The following OBSL1 variants were observed in gnomAD, a reference collection of about 807,000 sequenced individuals.
OBSL1 encodes obscurin like cytoskeletal adaptor 1.
OBSL1 carries 160 observed loss-of-function variants against 172.0 expected under a neutral mutation model. The ratio of observed to expected loss-of-function variants is 0.93; its 90% CI spans 0.82 to 1.06. The LOEUF is 1.06. Among genes scored for constraint, OBSL1 ranks in the 50% least tolerant of loss-of-function variants. OBSL1 has a pLI of 0.00. For synonymous variants in OBSL1, 1,200 were observed against 1,196.3 expected (o/e 1.00, Z -0.06); for missense variants, 2,681 against 2,715.4 (o/e 0.99, Z 0.28).
chr2:219,552,036 C>T, intron 19 of OBSL1, 76 bp downstream of exon 19: 1 of 1,404,800 alleles, frequency 7.1e-7, no homozygotes, highest in Non-Finnish European at 9.9e-7. Flanking sequence ...TTCTTGGGGC[C>T]AGCCCCAAGT....
downstream of OBSL1, chr2:219,547,384 C>A (rs1695410459): frequency 3.8e-6 from 3 of 791,356 alleles, no homozygotes; most frequent in Admixed American, 8.9e-5. Flanking sequence ...ACCCTCAATT[C>A]TCTGATCTTA....
chr2:219,562,906 G>T (rs1696595123), intron 7 of OBSL1: 1 of 575,248 alleles, frequency 1.7e-6, no homozygotes. Flanking sequence ...GGGGACCACG[G>T]GGTCAGCCTC....
At position 219,567,866 on chromosome 2, in the gene OBSL1, G is replaced by C. The variant is rs535662841; in HGVS notation, c.1386C>G (p.Ser462Arg). The C allele has an allele frequency of 5.0e-6, 8 of 1,613,878 alleles. No individual in the cohort carries two copies. In the South Asian group the frequency reaches 8.8e-5, roughly 18 times the overall value. The part of the protein sequence containing the change: ...TLEAGVEGRW[S>R]RDGEELPVIC... Reference sequence around the variant, plus strand: ...TGACCGGCAGCTCCTCCCCATCACGGCTCCAGCGTCCCTCGACCCCGGCCT... The same window carrying C: ...TGACCGGCAGCTCCTCCCCATCACGCCTCCAGCGTCCCTCGACCCCGGCCT... Residue 462 changes from serine (S) to arginine (R), a missense_variant, in exon 3 of 21, where the codon AGC becomes AGG. Transcript: ENST00000404537.
At position 219,556,601 on chromosome 2, in the gene OBSL1, C is replaced by T; in HGVS notation, c.4189G>A (p.Ala1397Thr). Residue 1397 changes from alanine to threonine, a missense_variant, in exon 13 of 21, where the codon GCC (alanine) becomes ACC (threonine). Physicochemically the swap from Ala to Thr is moderately conservative, Grantham distance 58. Coordinates refer to ENST00000404537, the MANE Select transcript of OBSL1 (RefSeq NM_015311.3). Reference protein sequence around the residue: ...DADVTWLRNGAVVTPGPQVEM... With the variant: ...DADVTWLRNGTVVTPGPQVEM... Reference sequence around the variant, plus strand: ...ACCTGGGGCCCTGGAGTGACGACGGCCCCATTGCGCAGCCAGGTGACATCG... The same window carrying T: ...ACCTGGGGCCCTGGAGTGACGACGGTCCCATTGCGCAGCCAGGTGACATCG... 2 of 1,613,990 alleles carry T rather than the reference C, an allele frequency of 1.2e-6. No individual in the cohort carries two copies. Among genetic ancestry groups the T allele is most frequent in the South Asian group, 1.1e-5 (1 of 91,084 alleles).
chr2:219,557,424 G>T lies in OBSL1; in HGVS notation c.3985C>A (p.Gln1329Lys). 6.5e-7 allele frequency: 1 copy of T among 1,548,510 alleles called. No homozygotes were observed. The change falls in exon 12 of 21, where the codon CAG becomes AAG. Residue 1329 changes from glutamine to lysine, a missense_variant. Physicochemically the swap from Gln to Lys is moderately conservative, Grantham distance 53. Transcript: ENST00000404537. ...QAGARQVLRVQGARSGDAGEY... is the reference protein window; with the variant it reads ...QAGARQVLRVKGARSGDAGEY... Reference sequence around the variant, plus strand: ...CCAGCGTCCCCGCTCCGTGCCCCCTGCACCCGCAGCACCTGCCTGGCCCCG... The same window carrying T: ...CCAGCGTCCCCGCTCCGTGCCCCCTTCACCCGCAGCACCTGCCTGGCCCCG...
In OBSL1 at chr2:219,552,911, C is replaced by A; in HGVS notation, c.5103G>T (p.Ala1701=). The change falls in exon 17 of 21, where the codon GCG becomes GCT. Residue 1701 remains alanine (A), a synonymous_variant. Transcript: ENST00000404537. ...CCGGTCCGGCGCGGGCCGTCCCCAC[C>A]GCGCAGCTGTAGGTCCCGGCGTCCG... The part of the protein sequence containing the change: ...GPSDAGTYSC[A]VGTARAGPVR... 2 of 1,540,118 alleles carry A rather than the reference C, an allele frequency of 1.3e-6. No homozygotes were observed.
chr2:219,563,986 C>T (rs1397422098), intron 6 of OBSL1, among the ~76,000 whole-genome samples: 4 of 152,174 alleles, frequency 2.6e-5, no homozygotes, highest in East Asian at 1.9e-4. Flanking sequence ...GCCTCTATTA[C>T]GAGAAAGACC....
At chr2:219,564,645 T>C (rs1225237293) in intron 6 of OBSL1, among the ~76,000 whole-genome samples, 1 of 152,196 alleles carries the variant, frequency 6.6e-6, no homozygotes, top group Non-Finnish European at 1.5e-5. Context: ...ATCAGGGGTT[T>C]AGGAGGCAAA....
Position 219,571,113 on chromosome 2 carries a change from C to T in OBSL1, c.120G>A (p.Pro40=), listed in dbSNP as rs750185925. 6.8e-7 allele frequency: 1 copy of T among 1,467,812 alleles called. No individual in the cohort carries two copies. The highest frequency in any genetic ancestry group is 9.0e-7 in the Non-Finnish European group (1 of 1,114,748). The allele number at this position is 1,467,812 out of a possible 1,614,324, so 90.9% of individuals were successfully genotyped here. A position where few individuals can be genotyped will look rare whatever the true frequency, so the allele number is the denominator to read the frequency against. The part of the protein sequence containing the change: ...ELKCVVLGEP[P]PVVVWEKGGQ... ...CGCCCTTCTCCCACACCACTACAGG[C>T]GGCGGCTCCCCCAGGACCACGCACT... The change falls in exon 1 of 21, where the codon CCG becomes CCA. Residue 40 remains proline, a synonymous_variant. Transcript: ENST00000404537.
chr2:219,549,923 C>A, downstream of OBSL1: 1 of 1,569,796 alleles, frequency 6.4e-7, no homozygotes, highest in Non-Finnish European at 8.7e-7. Flanking sequence ...TAGGCTGCCA[C>A]TCAGCCTCCT....
rs777770619 is a variant in OBSL1, at chr2:219,568,225, G to A, written c.1112C>T (p.Thr371Met). ...ECKVPNSRIP[T>M]AWFREDQRLL... ...CCGCTGGTCCTCACGGAACCAGGCC[G>A]TGGGGATGCGGGAGTTGGGTACTTT... The change falls in exon 2 of 21, where the codon ACG (threonine) becomes ATG (methionine). Residue 371 changes from threonine (T) to methionine (M), a missense_variant. Thr to Met is a moderately conservative substitution (Grantham distance 81). Coordinates refer to ENST00000404537, the MANE Select transcript of OBSL1 (RefSeq NM_015311.3). The surrounding 1 kb of genome is among the most constrained non-coding windows in gnomAD (Gnocchi z 4.1). 4.3e-6 allele frequency: 7 copies of A among 1,613,424 alleles called. No individual in the cohort carries two copies. The highest frequency in any genetic ancestry group is 2.2e-5 in the South Asian group (2 of 91,068).
intron 20 of OBSL1, chr2:219,551,275 AGAG>A (rs1559130636): frequency 7.1e-7 from 1 of 1,403,682 alleles, no homozygotes; most frequent in Non-Finnish European, 9.2e-7. Flanking sequence ...GTGGCAGGAG[AGAG>A]GAGAAGCCTG....
intron 7 of OBSL1, chr2:219,562,992 G>C (rs1696605086): frequency 1.3e-5 from 6 of 477,472 alleles, no homozygotes; most frequent in Non-Finnish European, 2.2e-5. Flanking sequence ...GAGGAGGGTT[G>C]GGGGGAGGAG....
intron 7 of OBSL1, 198 bp downstream of exon 7, chr2:219,563,157 A>G (rs1429989647): frequency 3.5e-6 from 2 of 575,550 alleles, no homozygotes; most frequent in African/African-American, 3.7e-5. Context: ...TTCCTTAGCC[A>G]AGACCAATGT....
chr2:219,555,064 C>G (rs993280160), intron 14 of OBSL1: 1 of 364,950 alleles, frequency 2.7e-6, no homozygotes, highest in East Asian at 4.6e-5. Flanking sequence ...GAACCTCGCT[C>G]TACCACATAG....
At position 219,551,556 on chromosome 2, in the gene OBSL1, T is replaced by C. The variant is rs1474277264; in HGVS notation, c.5656A>G (p.Ser1886Gly). 4 of 1,599,728 alleles carry C rather than the reference T, an allele frequency of 2.5e-6. No individual in the cohort carries two copies. In the South Asian group the frequency reaches 4.5e-5, roughly 18 times the overall value. ...TCTACCAGCAGCCGTGTGTGGGTGC[T>C]GTCCTGGCCGGCCTGGCAGCAGTAA... is the stretch of plus-strand genomic sequence containing the variant. ...GTYCCQAGQD[S>G]THTRLLVEGN The change falls in exon 20 of 21, where the codon AGC (serine) becomes GGC (glycine). Residue 1886 changes from serine (S) to glycine (G), a missense_variant. Around this residue, in one of 5 missense-constraint regions of OBSL1, gnomAD observed 1,765 missense variants for 1,748.3 expected, o/e 1.01. Transcript: ENST00000404537.
In OBSL1 at chr2:219,557,931, G is replaced by C. The variant is rs766007675; in HGVS notation, c.3682C>G (p.Arg1228Gly). 13 of 1,605,294 alleles carry C rather than the reference G, an allele frequency of 8.1e-6. No individual in the cohort carries two copies. Among genetic ancestry groups the C allele is most frequent in the Non-Finnish European group, 1.1e-5 (13 of 1,179,460 alleles). The stretch of plus-strand genomic sequence containing the variant: ...CCTGCAGCCTGGATGCAGAGGACTC[G>C]GCGGGGGCCCTCGGCATGGAGCTCT... ...GLELHAEGPR[R>G]VLCIQAAGPA... Residue 1228 changes from arginine to glycine, a missense_variant, in exon 11 of 21, where the codon CGA becomes GGA. This residue lies in a region of OBSL1 where 1,765 missense variants were observed against 1,748.3 expected (regional missense o/e 1.01). Coordinates refer to ENST00000404537, the MANE Select transcript of OBSL1 (RefSeq NM_015311.3).
rs1226042194 is a variant in OBSL1 at position 219,570,587 on chromosome 2, C to G, written c.646G>C (p.Gly216Arg). The G allele has an allele frequency of 1.3e-6, 2 of 1,521,048 alleles. No homozygotes were observed. Among genetic ancestry groups the G allele is most frequent in the Non-Finnish European group, 1.8e-6 (2 of 1,138,194 alleles). The allele number at this position is 1,521,048 out of a possible 1,614,324, so 94.2% of individuals were successfully genotyped here. Reference sequence around the variant, plus strand: ...AGCAGCGCCCCCGCCTGCGCGTGGCCGTGCGCGTTGCGGGCGTGGCACACG... The same window carrying G: ...AGCAGCGCCCCCGCCTGCGCGTGGCGGTGCGCGTTGCGGGCGTGGCACACG... ...VYVCHARNAH[G>R]HAQAGALLQV... is the part of the protein sequence containing the mutation. Residue 216 changes from glycine (G) to arginine (R), a missense_variant, in exon 1 of 21, where the codon GGC becomes CGC. Gly to Arg is a moderately radical substitution (Grantham distance 125, BLOSUM62 -2). Around this residue, in one of 5 missense-constraint regions of OBSL1, gnomAD observed 706 missense variants for 695.8 expected, o/e 1.01. Transcript: ENST00000404537.
chr2:219,551,140 G>A (rs1009812462), intron 20 of OBSL1: 3 of 1,398,144 alleles, frequency 2.1e-6, no homozygotes, highest in Non-Finnish European at 2.8e-6. Context: ...GCTGAGATGG[G>A]CAGAGGCAAG....
Sources: gnomAD v4.1 joint callset for allele counts (sites outside exome capture counted in the v4.1 genomes callset) on GRCh38, gnomAD v4.1.1 for gene constraint, gnomAD v4.1.1 regional missense constraint, Gnocchi (gnomAD v3.1) non-coding constraint, MANE v1.5 for transcripts, NCBI Gene and HGNC (gene_info 2026-07-23, HGNC 2026-07-21) for gene names.